The following AGBL1 variants were observed in gnomAD, a reference collection of about 807,000 sequenced individuals.
The protein encoded by AGBL1 is cytosolic carboxypeptidase 4.
In AGBL1, 130 loss-of-function variants were observed where a neutral mutation model predicts 118.9. That is an observed-to-expected ratio of 1.09 (90% CI 0.95 to 1.26). AGBL1 has a LOEUF of 1.26. AGBL1 is among the 50% of genes most tolerant of loss of function. AGBL1 has a pLI of 0.00. For missense variants in AGBL1, 1,584 were observed against 1,298.1 expected (o/e 1.22, Z -3.38); for synonymous variants, 555 against 478.9 (o/e 1.16, Z -2.08).
intron 24 of AGBL1, among the ~76,000 whole-genome samples, chr15:86,993,974 T>A (rs576293444): frequency 6.6e-6 from 1 of 152,152 alleles, no homozygotes; most frequent in South Asian, 2.1e-4. Context: ...TTCCCATCCA[T>A]CCTGCCAAAC....
At chr15:86,609,584 A>T (rs114156886) in intron 21 of AGBL1, among the ~76,000 whole-genome samples, 92 of 152,282 alleles carry the variant, frequency 6.0e-4, no homozygotes, top group African/African-American at 2.1e-3. Flanking sequence ...ATAGAACTCA[A>T]TCATAGGACA....
At chr15:86,478,000 G>C (rs2082588174) in intron 18 of AGBL1, among the ~76,000 whole-genome samples, 1 of 152,106 alleles carries the variant, frequency 6.6e-6, no homozygotes, top group African/African-American at 2.4e-5. Context: ...TATCTCAATA[G>C]ATGCAAAAAG....
intron 22 of AGBL1, among the ~76,000 whole-genome samples, chr15:86,696,445 A>T (rs1050029896): frequency 6.7e-6 from 1 of 149,988 alleles, no homozygotes; most frequent in South Asian, 2.1e-4. Flanking sequence ...GTCTTTTTCC[A>T]CCTTTTTACC....
At chr15:86,616,343 A>T (rs377046876) in intron 21 of AGBL1, among the ~76,000 whole-genome samples, 2 of 26,900 alleles carry the variant, frequency 7.4e-5, no homozygotes, top group African/African-American at 1.7e-4. Flanking sequence ...CCACTTCAAA[A>T]AAAAAAAAAA....
rs182227745 is a variant in AGBL1, at chr15:86,578,574, G to C, written c.2994+24037G>C. On this transcript the variant is annotated intron_variant, in intron 21 of 22. Coordinates refer to ENST00000614907, the MANE Select transcript of AGBL1 (RefSeq NM_001386094.1). ...GAGGGGCCAAGTGTGGAATGATATG[G>C]TTTGGCTGTATCCCCATGCATATCT... Among the ~76,000 whole-genome samples the C allele has an allele frequency of 8.1e-4, 123 of 152,294 alleles. 1 individual carries two copies. Among genetic ancestry groups the C allele is most frequent in the Middle Eastern group, 3.4e-3 (1 of 294 alleles).
chr15:86,442,961 A>G (rs2082081787), intron 18 of AGBL1, among the ~76,000 whole-genome samples: 1 of 152,210 alleles, frequency 6.6e-6, no homozygotes, highest in African/African-American at 2.4e-5. Context: ...AGGTGGCTGC[A>G]AGGAAGTAAA....
At chr15:86,750,135 A>G (rs1273360302) in intron 22 of AGBL1, among the ~76,000 whole-genome samples, 1 of 152,016 alleles carries the variant, frequency 6.6e-6, no homozygotes, top group Non-Finnish European at 1.5e-5. Flanking sequence ...AATACTCAGG[A>G]TTCCCTGCAG....
intron 23 of AGBL1, among the ~76,000 whole-genome samples, chr15:86,938,515 C>T (rs549319859): frequency 8.5e-5 from 13 of 152,292 alleles, no homozygotes; most frequent in South Asian, 4.1e-4. Flanking sequence ...GGCAGCTGAA[C>T]GTATTTCCAA....
intron 5 of AGBL1, among the ~76,000 whole-genome samples, chr15:86,221,415 C>A (rs116614744): frequency 1.6e-4 from 24 of 152,270 alleles, no homozygotes; most frequent in African/African-American, 5.5e-4. Flanking sequence ...GTTTTAGCAG[C>A]TTAAGCTTTT....
At chr15:86,587,166 A>AGC (rs1339251325) in intron 21 of AGBL1, among the ~76,000 whole-genome samples, 1 of 152,174 alleles carries the variant, frequency 6.6e-6, no homozygotes. Context: ...TGAGCTTATG[A>AGC]GCAGGCATTG....
At chr15:86,828,914 G>GTATATA (rs3059643) in intron 22 of AGBL1, among the ~76,000 whole-genome samples, 2,269 of 141,784 alleles carry the variant, frequency 0.016, 47 homozygotes, top group South Asian at 0.061. Context: ...AAGTTCAAAA[G>GTATATA]TATATATATA....
rs576138982 is a variant in AGBL1 at position 86,515,004 on chromosome 15, G to A, written c.2556-7806G>A. Among the ~76,000 whole-genome samples, 14 of 151,924 alleles carry A rather than the reference G, an allele frequency of 9.2e-5. 1 individual carries two copies. Among genetic ancestry groups the A allele is most frequent in the Admixed American group, 4.6e-4 (7 of 15,262 alleles). On this transcript the variant is annotated intron_variant, in intron 18 of 22. Transcript: ENST00000614907. ...GTTGCATAATACTTCATTTTGTGACGGCACCAAATTATTCAACTACTCTCC... is the reference window on the plus strand; with the variant it reads ...GTTGCATAATACTTCATTTTGTGACAGCACCAAATTATTCAACTACTCTCC...
chr15:86,637,424 A>G (rs1425271756), intron 21 of AGBL1, among the ~76,000 whole-genome samples: 1 of 152,188 alleles, frequency 6.6e-6, no homozygotes, highest in African/African-American at 2.4e-5. Context: ...ATGAGCTTGA[A>G]GAACAGATGA....
At chr15:86,565,346 A>T (rs1023470574) in intron 21 of AGBL1, among the ~76,000 whole-genome samples, 1 of 152,198 alleles carries the variant, frequency 6.6e-6, no homozygotes, top group Non-Finnish European at 1.5e-5. Context: ...TTTTCCTTCT[A>T]ACAGTCAGGA....
chr15:86,773,153 T>G (rs186875613), intron 22 of AGBL1, among the ~76,000 whole-genome samples: 224 of 152,190 alleles, frequency 1.5e-3, no homozygotes, highest in African/African-American at 4.8e-3. Context: ...TACATTGTGT[T>G]AGGCCCTGAG....
chr15:86,817,700 G>A (rs1209105128), intron 22 of AGBL1, among the ~76,000 whole-genome samples: 1 of 151,846 alleles, frequency 6.6e-6, no homozygotes, highest in South Asian at 2.1e-4. Flanking sequence ...CTGGGAGAGG[G>A]TATGGGTTGA....
chr15:86,281,483 G>A lies in AGBL1; in HGVS notation c.2220+1700G>A, dbSNP rs570940606. On this transcript the variant is annotated intron_variant, in intron 16 of 22. Transcript: ENST00000614907. The stretch of plus-strand genomic sequence containing the variant: ...TGTTATGTGTTTGCCTTTCCCATTG[G>A]GTAAGTGATCATGGATCTAGGACAC... Among the ~76,000 whole-genome samples, 12 of 152,302 alleles carry A rather than the reference G, an allele frequency of 7.9e-5. No individual in the cohort carries two copies. The South Asian group carries it at 2.3e-3, about 29-fold the overall frequency.
intron 1 of AGBL1, among the ~76,000 whole-genome samples, chr15:86,102,852 A>G (rs1896817977): frequency 6.6e-6 from 1 of 152,210 alleles, no homozygotes; most frequent in African/African-American, 2.4e-5. Context: ...GGGATTTTTC[A>G]GCCACTATTT....
intron 22 of AGBL1, among the ~76,000 whole-genome samples, chr15:86,895,584 C>T (rs1389102882): frequency 6.6e-6 from 1 of 152,030 alleles, no homozygotes; most frequent in East Asian, 1.9e-4. Flanking sequence ...CATTTTCCCT[C>T]AGCATTGACA....
Sources: gnomAD v4.1 joint callset for allele counts (sites outside exome capture counted in the v4.1 genomes callset) on GRCh38, gnomAD v4.1.1 for gene constraint, MANE v1.5 for transcripts, NCBI Gene and HGNC (gene_info 2026-07-23, HGNC 2026-07-21) for gene names.